Variants in DTL observed in about 807,000 individuals in gnomAD.
The protein encoded by DTL is denticleless protein homolog.
Under a neutral mutation model 87.0 loss-of-function variants are expected in DTL, and 46 were observed. The ratio of observed to expected loss-of-function variants is 0.53; its 90% CI spans 0.42 to 0.68. The LOEUF (loss-of-function observed/expected upper bound fraction) is 0.68, where lower values mean the gene tolerates loss of function less well. Among genes scored for constraint, DTL ranks in the 30% least tolerant of loss-of-function variants. The pLI is 0.00. For synonymous variants in DTL, 308 were observed against 311.2 expected, an observed-to-expected ratio of 0.99 and a Z score of 0.11; for missense variants, 737 against 869.4, an observed-to-expected ratio of 0.85 and a Z score of 1.91.
At chr1:212,081,194 T>G (rs560868258) in intron 13 of DTL, among the ~76,000 whole-genome samples, 7 of 152,158 alleles carry the variant, frequency 4.6e-5, no homozygotes, top group Admixed American at 4.6e-4. Context: ...TATCAAAATT[T>G]TATATTAGGT....
At chr1:212,037,199 C>CT (rs1667502375) in intron 1 of DTL, among the ~76,000 whole-genome samples, 1 of 152,206 alleles carries the variant, frequency 6.6e-6, no homozygotes, top group Non-Finnish European at 1.5e-5. Context: ...TGTTCAGCCT[C>CT]TATTTTGTGA....
rs1277809513 is a variant in DTL at position 212,100,906 on chromosome 1, C to T, written c.1916C>T (p.Pro639Leu). The T allele has an allele frequency of 1.2e-6, 2 of 1,614,178 alleles. No individual in the cohort carries two copies. Among genetic ancestry groups the T allele is most frequent in the African/African-American group, 1.3e-5 (1 of 75,034 alleles). ...ASESCGTLPL[P>L]LRPCGEGSEM... ...GAAAGCTGTGGAACGCTACCTCTTC[C>T]TTTGAGACCTTGTGGAGAAGGGTCT... The change falls in exon 14 of 15, where the codon CCT becomes CTT. Residue 639 changes from proline to leucine, a missense_variant. By Grantham distance (98) the Pro-to-Leu change is moderately conservative. Transcript: ENST00000366991.
rs1655730574 is a variant in DTL, at chr1:212,104,859, T to C, written c.*1919T>C. 1 of 152,218 alleles carries C rather than the reference T, an allele frequency of 6.6e-6. No homozygotes were observed. The highest frequency in any genetic ancestry group is 1.5e-5 in the Non-Finnish European group (1 of 68,040). 9.4% of individuals were successfully genotyped at this position (152,218 alleles called of 1,614,324 possible). On this transcript the variant is annotated 3_prime_UTR_variant, in exon 15 of 15. Transcript: ENST00000366991. The stretch of plus-strand genomic sequence containing the variant: ...CCTTTTACCTTATCTGATGTCCTTT[T>C]CTGAGCTTTTTGCATTACCTAGAAG...
chr1:212,050,544 G>A (rs1667941477), intron 5 of DTL, among the ~76,000 whole-genome samples: 1 of 152,040 alleles, frequency 6.6e-6, no homozygotes, highest in East Asian at 1.9e-4. Flanking sequence ...TTAATTAAAT[G>A]AGAATCTCTT....
chr1:212,087,443 G>T (rs891910965), intron 13 of DTL, among the ~76,000 whole-genome samples: 1 of 151,792 alleles, frequency 6.6e-6, no homozygotes, highest in African/African-American at 2.4e-5. Flanking sequence ...CCAGCTACTC[G>T]GGAGGCTGAG....
intron 5 of DTL, among the ~76,000 whole-genome samples, chr1:212,060,914 A>G (rs1654274024): frequency 6.6e-6 from 1 of 152,092 alleles, no homozygotes; most frequent in Non-Finnish European, 1.5e-5. Context: ...AAACTAGACT[A>G]TACTAAACTA....
At position 212,061,666 on chromosome 1, in the gene DTL, T is replaced by A. The variant is rs575705589; in HGVS notation, c.461-1218T>A. Among the ~76,000 whole-genome samples the A allele has an allele frequency of 9.2e-5, 14 of 151,834 alleles. No individual in the cohort carries two copies. The South Asian group carries it at 2.7e-3, about 29-fold the overall frequency. On this transcript the variant is annotated intron_variant, in intron 5 of 14. Transcript: ENST00000366991. ...CCTGTCTATTAACGAACAAATAGAG[T>A]TTTTAAAAATGTAGTATATACACAA...
Position 212,068,617 on chromosome 1 carries a change from T to C in DTL, c.836T>C (p.Leu279Ser). 6.2e-7 allele frequency: 1 copy of C among 1,612,030 alleles called. No individual in the cohort carries two copies. The highest frequency in any genetic ancestry group is 8.5e-7 in the Non-Finnish European group (1 of 1,178,422). The change falls in exon 10 of 15, where the codon TTG becomes TCG. Residue 279 changes from leucine to serine, a missense_variant. By Grantham distance (145) the Leu-to-Ser change is moderately radical. Coordinates refer to ENST00000366991, the MANE Select transcript of DTL (RefSeq NM_016448.4). ...TRKLGYSSLI[L>S]DSTGSTLFAN... is the part of the protein sequence containing the mutation. ...TTTCCAGGATATTCAAGTCTGATTT[T>C]GGATTCCACTGGCTCTACTTTATTT...
At chr1:212,095,238 A>G (rs190324866) in intron 13 of DTL, among the ~76,000 whole-genome samples, 2 of 152,140 alleles carry the variant, frequency 1.3e-5, no homozygotes, top group Non-Finnish European at 2.9e-5. Context: ...TTTGTCATGG[A>G]TGGCTTTTAT....
At chr1:212,044,606 A>G (rs1667754264) in intron 2 of DTL, 54 bp from the exon 3 acceptor site, 8 of 1,238,546 alleles carry the variant, frequency 6.5e-6, no homozygotes, top group South Asian at 4.1e-5. Flanking sequence ...CCGTCTGAAA[A>G]AAAAAAAAAA....
chr1:212,075,029 G>A (rs780146910), intron 11 of DTL, among the ~76,000 whole-genome samples: 1 of 152,068 alleles, frequency 6.6e-6, no homozygotes, highest in Admixed American at 6.6e-5. Context: ...CCACTGAATA[G>A]CATCGAAGTG....
chr1:212,065,224 ATAT>A (rs572886766), intron 7 of DTL, among the ~76,000 whole-genome samples, 195 bp downstream of exon 7: 4 of 152,158 alleles, frequency 2.6e-5, no homozygotes, highest in Non-Finnish European at 5.9e-5. Context: ...CCATTTACCT[ATAT>A]TATTGATGGA....
At chr1:212,045,873 G>A (rs192724598) in intron 3 of DTL, among the ~76,000 whole-genome samples, 1 of 152,314 alleles carries the variant, frequency 6.6e-6, no homozygotes, top group Non-Finnish European at 1.5e-5. Context: ...TCAAACTAAA[G>A]TATTTTACAT....
chr1:212,077,238 C>T (rs1018605859), intron 11 of DTL, among the ~76,000 whole-genome samples: 1 of 152,110 alleles, frequency 6.6e-6, no homozygotes, highest in African/African-American at 2.4e-5. Flanking sequence ...TGTTTGTACT[C>T]GTTATTGTGC....
intron 1 of DTL, 100 bp from the exon 2 acceptor site, chr1:212,042,893 A>G: frequency 1.7e-6 from 2 of 1,159,000 alleles, no homozygotes; most frequent in Non-Finnish European, 2.4e-6. Context: ...CTATGTTAAT[A>G]TCTAAAGTTT....
intron 12 of DTL, among the ~76,000 whole-genome samples, chr1:212,079,269 T>TA (rs1654924108): frequency 6.6e-6 from 1 of 152,152 alleles, no homozygotes; most frequent in African/African-American, 2.4e-5. Context: ...TCATGGGACT[T>TA]ACTAAGTTGA....
At chr1:212,078,648 C>T (rs1257161740) in intron 12 of DTL, among the ~76,000 whole-genome samples, 1 of 151,926 alleles carries the variant, frequency 6.6e-6, no homozygotes, top group Non-Finnish European at 1.5e-5. Context: ...TCTTGACAGC[C>T]CAATTTGGGT....
intron 1 of DTL, among the ~76,000 whole-genome samples, chr1:212,041,630 G>A (rs1039570537): frequency 1.3e-5 from 2 of 151,970 alleles, no homozygotes; most frequent in African/African-American, 2.4e-5. Flanking sequence ...CTCAGCCTCC[G>A]AGTAGCTGGG....
At chr1:212,089,092 CAA>C (rs1354920677) in intron 13 of DTL, among the ~76,000 whole-genome samples, 1 of 152,154 alleles carries the variant, frequency 6.6e-6, no homozygotes, top group African/African-American at 2.4e-5. Context: ...TCTCAAAAAA[CAA>C]AGAAAGAAGC....
Sources: gnomAD v4.1 joint callset for allele counts (sites outside exome capture counted in the v4.1 genomes callset) on GRCh38, gnomAD v4.1.1 for gene constraint, MANE v1.5 for transcripts, NCBI Gene and HGNC (gene_info 2026-07-23, HGNC 2026-07-21) for gene names.